Variants in MCTP1 observed in about 807,000 individuals in gnomAD.
MCTP1 encodes multiple C2 and transmembrane domain-containing protein 1.
In MCTP1, 69 loss-of-function variants were observed where a neutral mutation model predicts 120.6. The observed-to-expected ratio is 0.57, with a 90% CI of 0.47 to 0.70. The LOEUF (loss-of-function observed/expected upper bound fraction) is 0.70. Ranked by LOEUF, MCTP1 falls within the 30% of genes least tolerant of loss-of-function variation. The probability of loss-of-function intolerance (pLI) is 0.00; values close to 1 mark genes in which losing one functional copy is unlikely to be tolerated. For missense variants in MCTP1, 1,203 were observed against 1,248.8 expected (o/e 0.96, Z 0.55); for synonymous variants, 529 against 493.1 (o/e 1.07, Z -0.96).
intron 1 of MCTP1, among the ~76,000 whole-genome samples, chr5:95,263,041 C>T (rs1482582161): frequency 6.6e-6 from 1 of 152,124 alleles, no homozygotes; most frequent in Non-Finnish European, 1.5e-5. Context: ...TGCAAGTGTA[C>T]GAAGGCTAAG....
intron 1 of MCTP1, among the ~76,000 whole-genome samples, chr5:95,061,456 G>C (rs1749169758): frequency 3.8e-5 from 1 of 26,480 alleles, no homozygotes; most frequent in South Asian, 1.2e-3. Flanking sequence ...TTTTTTTTGA[G>C]ACGGAGTCTC....
At chr5:94,879,373 C>A (rs1219384093) in intron 12 of MCTP1, among the ~76,000 whole-genome samples, 1 of 151,996 alleles carries the variant, frequency 6.6e-6, no homozygotes, top group Non-Finnish European at 1.5e-5. Flanking sequence ...GCATCCCCAA[C>A]CCCAGCTACC....
chr5:94,954,183 C>CATATATATACATAT (rs1821905682), intron 2 of MCTP1, among the ~76,000 whole-genome samples: 2 of 57,816 alleles, frequency 3.5e-5, no homozygotes, highest in Admixed American at 1.9e-4. Flanking sequence ...TATATATATG[C>CATATATATACATAT]ATATATATAT....
intron 1 of MCTP1, among the ~76,000 whole-genome samples, chr5:95,214,096 A>C (rs1752739746): frequency 6.6e-6 from 1 of 152,296 alleles, no homozygotes; most frequent in African/African-American, 2.4e-5. Flanking sequence ...AATGGGAGAA[A>C]ATTTTGGCAA....
chr5:95,034,403 AC>A (rs1840868529), intron 1 of MCTP1, among the ~76,000 whole-genome samples: 1 of 151,930 alleles, frequency 6.6e-6, no homozygotes, highest in Non-Finnish European at 1.5e-5. Context: ...AGAATAGAGA[AC>A]CCAGAAATAA....
At chr5:94,965,453 CT>C (rs1472303462) in intron 2 of MCTP1, among the ~76,000 whole-genome samples, 4 of 152,138 alleles carry the variant, frequency 2.6e-5, no homozygotes, top group Admixed American at 2.6e-4. Context: ...CCATTCTGTA[CT>C]CCACTAGTGT....
chr5:95,047,955 G>T (rs1039302658), intron 1 of MCTP1, among the ~76,000 whole-genome samples: 1 of 152,152 alleles, frequency 6.6e-6, no homozygotes, highest in Non-Finnish European at 1.5e-5. Flanking sequence ...ATGTAATAAG[G>T]TGTTAAGTAG....
intron 19 of MCTP1, among the ~76,000 whole-genome samples, chr5:94,775,060 A>C (rs923108213): frequency 1.3e-5 from 2 of 152,204 alleles, no homozygotes; most frequent in Admixed American, 6.5e-5. Flanking sequence ...AAAGCAAAGA[A>C]TCTGTTTACT....
chr5:94,787,253 G>A (rs1184250151), intron 18 of MCTP1, among the ~76,000 whole-genome samples: 1 of 152,204 alleles, frequency 6.6e-6, no homozygotes, highest in Non-Finnish European at 1.5e-5. Flanking sequence ...AATGGCATAT[G>A]CTTATGGTAT....
intron 17 of MCTP1, among the ~76,000 whole-genome samples, chr5:94,816,598 T>C (rs943924855): frequency 3.9e-5 from 6 of 152,228 alleles, no homozygotes; most frequent in Middle Eastern, 3.4e-3. Flanking sequence ...AGAGGATCAT[T>C]TAACTTTTTT....
intron 1 of MCTP1, among the ~76,000 whole-genome samples, chr5:95,206,245 T>A (rs906370851): frequency 2.0e-5 from 3 of 152,162 alleles, no homozygotes; most frequent in African/African-American, 7.2e-5. Context: ...CCTGAAAACA[T>A]CATGCTAAGT....
chr5:95,035,868 G>C (rs1251287283), intron 1 of MCTP1, among the ~76,000 whole-genome samples: 2 of 151,968 alleles, frequency 1.3e-5, no homozygotes, highest in African/African-American at 4.8e-5. Flanking sequence ...GTTCATTAAT[G>C]GTTAATCAGA....
At chr5:94,736,394 A>G (rs1764248863) in intron 19 of MCTP1, among the ~76,000 whole-genome samples, 2 of 152,178 alleles carry the variant, frequency 1.3e-5, no homozygotes, top group Non-Finnish European at 2.9e-5. Flanking sequence ...GAGGTGGGGG[A>G]ATCACTTGAG....
intron 1 of MCTP1, among the ~76,000 whole-genome samples, chr5:95,094,062 T>C (rs1756045529): frequency 6.6e-6 from 1 of 152,222 alleles, no homozygotes; most frequent in African/African-American, 2.4e-5. Context: ...TGAGTGATGC[T>C]GTGCAGAGCA....
rs184370851 is a variant in MCTP1 at position 95,051,530 on chromosome 5, G to A, written c.721-34046C>T. On this transcript the variant is annotated intron_variant, in intron 1 of 22. Coordinates refer to ENST00000515393, the MANE Select transcript of MCTP1 (RefSeq NM_024717.7). ...CCAAGACTTCCTCCTTAGGTTATAG[G>A]AAGTTTGACCTCTCCAAATTTCTGT... is the stretch of plus-strand genomic sequence containing the variant. Among the ~76,000 whole-genome samples the A allele has an allele frequency of 6.9e-4, 105 of 152,252 alleles. 1 individual carries two copies. The highest frequency in any genetic ancestry group is 5.4e-3 in the Admixed American group (82 of 15,294).
chr5:94,988,597 G>GTTTTTT (rs752489135), intron 2 of MCTP1, among the ~76,000 whole-genome samples: 2 of 117,474 alleles, frequency 1.7e-5, no homozygotes, highest in Non-Finnish European at 1.8e-5. Context: ...CCCTGTGTGT[G>GTTTTTT]TTTTTTTTTT....
chr5:94,751,971 G>C (rs761067772), intron 19 of MCTP1, among the ~76,000 whole-genome samples: 1 of 147,760 alleles, frequency 6.8e-6, no homozygotes, highest in East Asian at 2.0e-4. Context: ...GGTGCAGGGA[G>C]GGGGGAGGGT....
chr5:95,281,786 A>G (rs766379831), intron 1 of MCTP1, among the ~76,000 whole-genome samples: 2 of 152,270 alleles, frequency 1.3e-5, no homozygotes, highest in Non-Finnish European at 2.9e-5. Flanking sequence ...ATTACAAATT[A>G]TGATAGCTAA....
intron 8 of MCTP1, among the ~76,000 whole-genome samples, chr5:94,915,669 TTTTG>T (rs1264506619): frequency 4.6e-5 from 7 of 152,040 alleles, no homozygotes; most frequent in Admixed American, 2.6e-4. Flanking sequence ...TTTCTGGTTT[TTTTG>T]TTTGTTTGTT....
Sources: gnomAD v4.1 joint callset for allele counts (sites outside exome capture counted in the v4.1 genomes callset) on GRCh38, gnomAD v4.1.1 for gene constraint, MANE v1.5 for transcripts, NCBI Gene and HGNC (gene_info 2026-07-23, HGNC 2026-07-21) for gene names.